Variants in PAN3 observed in about 807,000 individuals in gnomAD.
PAN3 encodes the protein PAN2-PAN3 deadenylation complex subunit PAN3.
PAN3 carries 19 observed loss-of-function variants against 96.2 expected under a neutral mutation model. That is an observed-to-expected ratio of 0.20 (90% CI 0.14 to 0.29). PAN3 has a LOEUF of 0.29. PAN3 is among the 10% of genes least tolerant of loss of function. PAN3 has a pLI of 1.00. For synonymous variants in PAN3, 433 were observed against 406.6 expected (o/e 1.06, Z -0.78); for missense variants, 882 against 1,108.1 (o/e 0.80, Z 2.90).
chr13:28,174,085 C>T (rs1250705036), intron 1 of PAN3, among the ~76,000 whole-genome samples, 187 bp from the exon 2 acceptor site: 1 of 152,176 alleles, frequency 6.6e-6, no homozygotes, highest in African/African-American at 2.4e-5. Flanking sequence ...AATTAGTCAG[C>T]TTGAGCACTG....
rs1566235204 is a variant in PAN3, at chr13:28,257,754, A to ATAAT, written c.1248+1215_1248+1216insTAAT. ...TATATATAAATTATATATAATATAT[A>ATAAT]ATTAATTATATATTATATATAAATT... On this transcript the variant is annotated intron_variant, in intron 7 of 18. Transcript: ENST00000380958. Among the ~76,000 whole-genome samples the ATAAT allele has an allele frequency of 3.1e-3, 432 of 137,170 alleles. 5 individuals are homozygous for ATAAT. Among genetic ancestry groups the ATAAT allele is most frequent in the African/African-American group, 0.011 (407 of 36,330 alleles). The allele number at this position is 137,170 out of a possible 152,430, so 90.0% of individuals were successfully genotyped here. A position where few individuals can be genotyped will look rare whatever the true frequency, so the allele number is the denominator to read the frequency against.
At chr13:28,203,624 T>TA (rs1044226635) in intron 5 of PAN3, among the ~76,000 whole-genome samples, 3 of 152,088 alleles carry the variant, frequency 2.0e-5, no homozygotes, top group African/African-American at 4.8e-5. Flanking sequence ...TTTCTGTATT[T>TA]AAAAAAATTA....
intron 5 of PAN3, among the ~76,000 whole-genome samples, chr13:28,201,475 G>A (rs889329191): frequency 3.3e-5 from 5 of 152,126 alleles, no homozygotes; most frequent in African/African-American, 1.2e-4. Flanking sequence ...GAACCTGGGA[G>A]GTGGAGCTTG....
At chr13:28,200,264 C>T (rs191426843) in intron 5 of PAN3, among the ~76,000 whole-genome samples, 18 of 146,808 alleles carry the variant, frequency 1.2e-4, no homozygotes, top group Admixed American at 6.6e-5. Flanking sequence ...TTACGTATGA[C>T]TCTGCAGCAT....
At chr13:28,194,168 C>G (rs190273950) in intron 4 of PAN3, among the ~76,000 whole-genome samples, 1 of 150,168 alleles carries the variant, frequency 6.7e-6, no homozygotes, top group African/African-American at 2.4e-5. Context: ...TAAAAAGAGA[C>G]ACTGTCTCAA....
chr13:28,146,491 G>A (rs1459875863), intron 1 of PAN3, among the ~76,000 whole-genome samples: 2 of 151,942 alleles, frequency 1.3e-5, no homozygotes, highest in East Asian at 3.9e-4. Flanking sequence ...ATGAGGAGTT[G>A]GGTTCCTGGT....
At chr13:28,270,104 A>G (rs1886489750) in intron 12 of PAN3, among the ~76,000 whole-genome samples, 1 of 152,212 alleles carries the variant, frequency 6.6e-6, no homozygotes, top group South Asian at 2.1e-4. Context: ...AATAATTACA[A>G]AATCTTGATT....
At chr13:28,229,040 A>G (rs986907643) in intron 6 of PAN3, among the ~76,000 whole-genome samples, 13 of 152,184 alleles carry the variant, frequency 8.5e-5, no homozygotes, top group Admixed American at 6.5e-5. Flanking sequence ...GAAGGGGAAG[A>G]GCATGAAGGA....
intron 2 of PAN3, among the ~76,000 whole-genome samples, chr13:28,175,283 C>T (rs1874821709): frequency 1.3e-5 from 2 of 152,180 alleles, no homozygotes; most frequent in South Asian, 4.1e-4. Flanking sequence ...CTTGCTGTGT[C>T]ACCCAGGCTG....
chr13:28,210,667 G>C (rs1271962320), intron 5 of PAN3, among the ~76,000 whole-genome samples: 1 of 151,912 alleles, frequency 6.6e-6, no homozygotes, highest in Admixed American at 6.6e-5. Flanking sequence ...CCCAGAAGTT[G>C]AGTATATTTT....
chr13:28,186,541 A>G (rs1876491882), intron 4 of PAN3, among the ~76,000 whole-genome samples: 1 of 144,554 alleles, frequency 6.9e-6, no homozygotes, highest in African/African-American at 2.5e-5. Flanking sequence ...ATGATCTGCA[A>G]TTTAAAAGTT....
intron 5 of PAN3, among the ~76,000 whole-genome samples, chr13:28,202,422 T>A (rs950860179): frequency 2.6e-5 from 4 of 152,218 alleles, no homozygotes; most frequent in African/African-American, 9.6e-5. Context: ...CAATTTTTTT[T>A]AGGATTTATT....
intron 18 of PAN3, among the ~76,000 whole-genome samples, chr13:28,291,081 A>C (rs1388046087): frequency 6.6e-6 from 1 of 152,232 alleles, no homozygotes; most frequent in Non-Finnish European, 1.5e-5. Flanking sequence ...ACAATATTCT[A>C]AGTTTGAAAA....
chr13:28,289,732 G>C (rs1460804797), intron 18 of PAN3, among the ~76,000 whole-genome samples: 1 of 152,114 alleles, frequency 6.6e-6, no homozygotes, highest in East Asian at 1.9e-4. Context: ...AATTAAAAAA[G>C]TTAGCCGGGC....
chr13:28,195,949 TTA>T (rs1877993235), intron 4 of PAN3, among the ~76,000 whole-genome samples: 1 of 152,176 alleles, frequency 6.6e-6, no homozygotes, highest in Non-Finnish European at 1.5e-5. Context: ...AATTTGGAAA[TTA>T]TGTCTTTTTT....
At chr13:28,279,842 C>T (rs1887324082) in intron 15 of PAN3, among the ~76,000 whole-genome samples, 1 of 151,398 alleles carries the variant, frequency 6.6e-6, no homozygotes, top group African/African-American at 2.4e-5. Flanking sequence ...CTTTGTTGCC[C>T]AGGCTGGAGT....
At chr13:28,266,002 T>C (rs1284092715) in intron 9 of PAN3, among the ~76,000 whole-genome samples, 1 of 9,606 alleles carries the variant, frequency 1.0e-4, no homozygotes, top group Admixed American at 1.6e-3. Flanking sequence ...CCCAAAGTGC[T>C]GGGATTACAG....
chr13:28,281,232 G>A, intron 16 of PAN3, 83 bp from the exon 17 acceptor site: 1 of 1,008,534 alleles, frequency 9.9e-7, no homozygotes, highest in Non-Finnish European at 1.5e-6. Context: ...TATTGGTACA[G>A]GTTACCAGTT....
intron 5 of PAN3, among the ~76,000 whole-genome samples, chr13:28,202,768 G>T (rs1364749918): frequency 6.6e-6 from 1 of 151,998 alleles, no homozygotes; most frequent in African/African-American, 2.4e-5. Flanking sequence ...TTGCCTGTTT[G>T]TCTTTTTCTA....
Sources: gnomAD v4.1 joint callset for allele counts (sites outside exome capture counted in the v4.1 genomes callset) on GRCh38, gnomAD v4.1.1 for gene constraint, MANE v1.5 for transcripts, NCBI Gene and HGNC (gene_info 2026-07-23, HGNC 2026-07-21) for gene names.